The following CCDC141 variants were observed in gnomAD, a reference collection of about 807,000 sequenced individuals.
The protein encoded by CCDC141 is coiled-coil domain containing 141.
Under a neutral mutation model 181.0 loss-of-function variants are expected in CCDC141, and 168 were observed. The observed-to-expected ratio is 0.93, with a 90% CI of 0.82 to 1.05. CCDC141 has a LOEUF of 1.05. CCDC141 is among the 50% of genes least tolerant of loss of function. CCDC141 has a pLI of 0.00. For missense variants in CCDC141, 1,902 were observed against 1,788.5 expected, an observed-to-expected ratio of 1.06 and a Z score of -1.14; for synonymous variants, 666 against 642.3, an observed-to-expected ratio of 1.04 and a Z score of -0.56.
intron 2 of CCDC141, among the ~76,000 whole-genome samples, chr2:179,037,958 A>G (rs2043190631): frequency 6.6e-6 from 1 of 152,200 alleles, no homozygotes; most frequent in Non-Finnish European, 1.5e-5. Context: ...TGTTTCCTCA[A>G]AACACTAAAA....
intron 4 of CCDC141, among the ~76,000 whole-genome samples, chr2:178,974,290 C>A (rs555223866): frequency 6.6e-6 from 1 of 152,248 alleles, no homozygotes; most frequent in South Asian, 2.1e-4. Context: ...ATTCAAGAAA[C>A]CTTTCTATCC....
chr2:178,845,005 A>T (rs955473979), intron 22 of CCDC141, among the ~76,000 whole-genome samples: 5 of 152,192 alleles, frequency 3.3e-5, no homozygotes. Flanking sequence ...ATCATGATAC[A>T]TTTGCATTTT....
intron 2 of CCDC141, among the ~76,000 whole-genome samples, chr2:179,018,775 G>A (rs1053350382): frequency 1.3e-5 from 2 of 152,092 alleles, no homozygotes; most frequent in Non-Finnish European, 2.9e-5. Flanking sequence ...CAAACTAGGC[G>A]AGAGCAAGAA....
intron 5 of CCDC141, among the ~76,000 whole-genome samples, chr2:178,957,192 GT>G (rs1345714452): frequency 6.6e-6 from 1 of 152,182 alleles, no homozygotes; most frequent in Non-Finnish European, 1.5e-5. Flanking sequence ...TTCATAAGTT[GT>G]AAGGTTTAAT....
intron 2 of CCDC141, among the ~76,000 whole-genome samples, chr2:178,990,187 G>T (rs1239494963): frequency 6.6e-6 from 1 of 150,600 alleles, no homozygotes; most frequent in Non-Finnish European, 1.5e-5. Flanking sequence ...ACAATTGTTG[G>T]CAAGAACATG....
chr2:178,834,249 A>G lies in CCDC141; in HGVS notation c.4517T>C (p.Ile1506Thr). Residue 1506 changes from isoleucine to threonine, a missense_variant, in exon 24 of 24, where the codon ATC becomes ACC. Coordinates refer to ENST00000443758, the MANE Select transcript of CCDC141 (RefSeq NM_173648.4). ...CAGGGTTATCCAGTTTACTCTTGTG[A>G]TTGGCAGCCTGCAGTTACCTGTCAC... The part of the protein sequence containing the change: ...LHVTGNCRLP[I>T]TRVNWITLCV... 6.5e-7 allele frequency: 1 copy of G among 1,536,210 alleles called. No homozygotes were observed. The highest frequency in any genetic ancestry group is 8.7e-7 in the Non-Finnish European group (1 of 1,146,886).
chr2:178,855,626 A>G, intron 18 of CCDC141, 85 bp from the exon 19 acceptor site: 1 of 884,780 alleles, frequency 1.1e-6, no homozygotes, highest in East Asian at 3.0e-5. Context: ...AAAAACTGGT[A>G]AAAATTTTGC....
At chr2:178,817,550 G>C in the CCDC141 span, 2 of 470,914 alleles carry the variant, frequency 4.2e-6, no homozygotes, top group Non-Finnish European at 8.8e-6. Flanking sequence ...GTACCACTTA[G>C]AAGTCATCTT....
intron 2 of CCDC141, among the ~76,000 whole-genome samples, chr2:178,982,619 G>A (rs1438171772): frequency 6.8e-6 from 1 of 147,206 alleles, no homozygotes; most frequent in African/African-American, 2.5e-5. Context: ...CACCATGTGC[G>A]AACCGAAGCA....
At position 178,833,892 on chromosome 2, in the gene CCDC141, G is replaced by A; in HGVS notation, c.*281C>T. 1 of 342,562 alleles carries A rather than the reference G, an allele frequency of 2.9e-6. No homozygotes were observed. The highest frequency in any genetic ancestry group is 5.4e-5 in the East Asian group (1 of 18,408). The allele number at this position is 342,562 out of a possible 1,614,324, so 21.2% of individuals were successfully genotyped here. On this transcript the variant is annotated 3_prime_UTR_variant, in exon 24 of 24. Coordinates refer to ENST00000443758, the MANE Select transcript of CCDC141 (RefSeq NM_173648.4). ...ACGCCCTTAAATTAGGAGGGAATAGGCATAGAATAATTTTGCTGCATATTA... is the reference window on the plus strand; with the variant it reads ...ACGCCCTTAAATTAGGAGGGAATAGACATAGAATAATTTTGCTGCATATTA...
At chr2:178,998,114 T>TGTAA (rs71393455) in intron 2 of CCDC141, among the ~76,000 whole-genome samples, 2 of 37,414 alleles carry the variant, frequency 5.3e-5, no homozygotes, top group Non-Finnish European at 2.6e-4. Context: ...TAAGAATATT[T>TGTAA]GTATATTGAT....
At chr2:178,857,610 TAAG>T (rs1194677449) in intron 17 of CCDC141, among the ~76,000 whole-genome samples, 1 of 152,108 alleles carries the variant, frequency 6.6e-6, no homozygotes, top group Admixed American at 6.5e-5. Flanking sequence ...TCTCTATATT[TAAG>T]AAGGATAAGC....
chr2:179,038,825 C>A (rs1219167689), intron 2 of CCDC141, among the ~76,000 whole-genome samples: 1 of 152,110 alleles, frequency 6.6e-6, no homozygotes, highest in East Asian at 1.9e-4. Flanking sequence ...TCACTGAATG[C>A]CAACTGCAAA....
downstream of CCDC141, among the ~76,000 whole-genome samples, chr2:178,827,646 A>T (rs760807221): frequency 6.6e-6 from 1 of 152,126 alleles, no homozygotes; most frequent in Non-Finnish European, 1.5e-5. Context: ...TCAAATCAGC[A>T]AGGAAGCTGA....
chr2:178,891,921 T>C lies in CCDC141; in HGVS notation c.1266-3253A>G, dbSNP rs373721872. 2.0e-4 allele frequency among the ~76,000 whole-genome samples: 31 copies of C among 152,272 alleles called. No individual in the cohort carries two copies. The East Asian group carries it at 4.4e-3, about 22-fold the overall frequency. On this transcript the variant is annotated intron_variant, in intron 8 of 23. Transcript: ENST00000443758. ...GGTGTCCTATTTATTCTTATATCCC[T>C]TGTAGCCCTGAACACATAGCCTTAT...
Position 178,928,396 on chromosome 2 carries a change from AT to A in CCDC141, c.898-9490del, listed in dbSNP as rs1688985151. 2.0e-5 allele frequency among the ~76,000 whole-genome samples: 3 copies of A among 152,216 alleles called. No individual in the cohort carries two copies. The South Asian group carries it at 6.2e-4, about 32-fold the overall frequency. On this transcript the variant is annotated intron_variant, in intron 6 of 23. Transcript: ENST00000443758. ...CAGGAAGGTTGTAGGCGGTTCACAG[AT>A]TGACTGTGTTAAGGTATAAGAAGTC...
At chr2:178,969,515 G>T (rs902361410) in intron 4 of CCDC141, among the ~76,000 whole-genome samples, 1 of 152,024 alleles carries the variant, frequency 6.6e-6, no homozygotes, top group Non-Finnish European at 1.5e-5. Context: ...CAGAACCAAT[G>T]ACAAAAAACA....
chr2:178,944,365 C>T (rs553748577), intron 6 of CCDC141, among the ~76,000 whole-genome samples, 170 bp downstream of exon 6: 9 of 152,116 alleles, frequency 5.9e-5, no homozygotes, highest in African/African-American at 1.4e-4. Context: ...TTCTGGAAGC[C>T]CTGTCAATGC....
At position 179,002,267 on chromosome 2, in the gene CCDC141, T is replaced by C. The variant is rs189606351; in HGVS notation, c.226-23592A>G. On this transcript the variant is annotated intron_variant, in intron 2 of 23. Coordinates refer to ENST00000443758, the MANE Select transcript of CCDC141 (RefSeq NM_173648.4). ...AGCAGGATGTCTTGGCCCATGACCA[T>C]GTCCACCTGCTACTGAGTACAGGGC... The C allele has an allele frequency of 1.5e-3, 364 of 247,174 alleles. 1 individual carries two copies. The highest frequency in any genetic ancestry group is 2.6e-3 in the Admixed American group (53 of 20,098). The allele number at this position is 247,174 out of a possible 1,614,324, so 15.3% of individuals were successfully genotyped here.
Sources: gnomAD v4.1 joint callset for allele counts (sites outside exome capture counted in the v4.1 genomes callset) on GRCh38, gnomAD v4.1.1 for gene constraint, MANE v1.5 for transcripts, NCBI Gene and HGNC (gene_info 2026-07-23, HGNC 2026-07-21) for gene names.